RIMBP2: variants seen among roughly 807,000 people sequenced by gnomAD.
RIMBP2 encodes the protein RIMS binding protein 2, also known as RIMS-binding protein 2.
In RIMBP2, 48 loss-of-function variants were observed where a neutral mutation model predicts 118.6. The ratio of observed to expected loss-of-function variants is 0.40; its 90% CI spans 0.32 to 0.51. The LOEUF (loss-of-function observed/expected upper bound fraction) is 0.51. RIMBP2 is among the 20% of genes least tolerant of loss of function. The pLI, the probability that RIMBP2 is intolerant of heterozygous loss-of-function variation, is 0.41. For missense variants in RIMBP2, 1,551 were observed against 1,768.3 expected (o/e 0.88, Z 2.20); for synonymous variants, 762 against 742.9 (o/e 1.03, Z -0.42).
chr12:130,649,755 C>T (rs1349573304), intron 1 of RIMBP2, among the ~76,000 whole-genome samples: 1 of 152,092 alleles, frequency 6.6e-6, no homozygotes, highest in Non-Finnish European at 1.5e-5. Flanking sequence ...TCCCTGCCCC[C>T]TGCTCACAGT....
chr12:130,473,411 T>C (rs948444774), intron 5 of RIMBP2, among the ~76,000 whole-genome samples: 3 of 152,178 alleles, frequency 2.0e-5, no homozygotes, highest in Non-Finnish European at 4.4e-5. Context: ...GGGCAGGCCC[T>C]GCGGCAGGAG....
chr12:130,523,203 TG>T lies in RIMBP2; in HGVS notation c.-216-5287del, dbSNP rs565557115. 1.8e-4 allele frequency among the ~76,000 whole-genome samples: 27 copies of T among 151,670 alleles called. No individual in the cohort carries two copies. The highest frequency in any genetic ancestry group is 2.4e-4 in the Non-Finnish European group (16 of 67,842). On this transcript the variant is annotated intron_variant, in intron 2 of 22. Transcript: ENST00000690449. The surrounding 1 kb of genome is among the most constrained non-coding windows in gnomAD (Gnocchi z 4.4). ...CCTCTCTGTCTCTATTTCTCTGTGTTGGGGGGGGTTTCTCTGCCTCCATCTC... is the reference window on the plus strand; with the variant it reads ...CCTCTCTGTCTCTATTTCTCTGTGTTGGGGGGGTTTCTCTGCCTCCATCTC...
chr12:130,487,553 C>G (rs1041680174), intron 4 of RIMBP2, among the ~76,000 whole-genome samples: 4 of 152,232 alleles, frequency 2.6e-5, no homozygotes, highest in African/African-American at 9.6e-5. Context: ...CATGCTTGTA[C>G]AGCCTGCAGA....
chr12:130,554,896 A>G (rs2056194025), intron 2 of RIMBP2, among the ~76,000 whole-genome samples: 1 of 151,980 alleles, frequency 6.6e-6, no homozygotes, highest in African/African-American at 2.4e-5. Context: ...TTTCCATTTT[A>G]TGGAGAGAAA....
intron 2 of RIMBP2, among the ~76,000 whole-genome samples, chr12:130,550,493 T>C (rs750153121): frequency 1.5e-4 from 23 of 152,232 alleles, no homozygotes; most frequent in Non-Finnish European, 1.8e-4. Flanking sequence ...TGGGTGAATG[T>C]TGGTGTCCAG....
intron 7 of RIMBP2, 63 bp downstream of exon 7, chr12:130,456,433 T>A: frequency 6.9e-7 from 1 of 1,449,234 alleles, no homozygotes; most frequent in South Asian, 1.3e-5. Flanking sequence ...GTGCACACCC[T>A]CGCAGGCAGC....
At chr12:130,464,832 G>T (rs1034338629) in intron 6 of RIMBP2, among the ~76,000 whole-genome samples, 1 of 152,338 alleles carries the variant, frequency 6.6e-6, no homozygotes, top group Middle Eastern at 3.4e-3. Context: ...TGGCCCAGGG[G>T]TCACCCAGCC....
At chr12:130,650,447 C>G (rs2063183801) in intron 1 of RIMBP2, among the ~76,000 whole-genome samples, 1 of 152,262 alleles carries the variant, frequency 6.6e-6, no homozygotes, top group Non-Finnish European at 1.5e-5. Context: ...GCAAGCTTCT[C>G]ACAACACTTG....
chr12:130,678,665 G>A (rs2064623382), intron 1 of RIMBP2, among the ~76,000 whole-genome samples: 2 of 152,216 alleles, frequency 1.3e-5, no homozygotes, highest in South Asian at 4.2e-4. Flanking sequence ...CTACAGGCAC[G>A]CGCCACCATG....
At chr12:130,406,673 A>G (rs1365151400) in intron 20 of RIMBP2, among the ~76,000 whole-genome samples, 1 of 152,188 alleles carries the variant, frequency 6.6e-6, no homozygotes, top group Non-Finnish European at 1.5e-5. Flanking sequence ...TTGAGACAGA[A>G]TCTCACTGTG....
chr12:130,714,318 G>A (rs964282486), intron 1 of RIMBP2, among the ~76,000 whole-genome samples: 17 of 152,174 alleles, frequency 1.1e-4, no homozygotes, highest in Admixed American at 3.9e-4. Flanking sequence ...ATGGCCAGGA[G>A]CTCTCAGCCC....
chr12:130,667,818 C>T (rs938292832), intron 1 of RIMBP2: 13 of 152,230 alleles, frequency 8.5e-5, no homozygotes, highest in African/African-American at 2.4e-4. Context: ...CTCTGGCCAC[C>T]GAGGCTCAAG....
chr12:130,506,914 A>C (rs1295675572), intron 3 of RIMBP2, 144 bp from the exon 4 acceptor site: 1 of 579,978 alleles, frequency 1.7e-6, no homozygotes, highest in African/African-American at 2.0e-5. Context: ...GACTGGGTCC[A>C]CTCCTACTAG....
intron 19 of RIMBP2, 64 bp downstream of exon 19, chr12:130,412,555 C>G (rs1565993382): frequency 1.3e-6 from 2 of 1,482,346 alleles, no homozygotes; most frequent in East Asian, 4.6e-5. Context: ...GCCTGCCTCT[C>G]TGAGCGGCAG....
intron 19 of RIMBP2, among the ~76,000 whole-genome samples, chr12:130,411,398 A>C (rs1014364163): frequency 6.6e-6 from 1 of 152,038 alleles, no homozygotes; most frequent in Admixed American, 6.6e-5. Context: ...GTGGAAAAGG[A>C]GTGGTGAGGG....
At chr12:130,534,870 G>GGAAA (rs1416292076) in intron 2 of RIMBP2, among the ~76,000 whole-genome samples, 1 of 152,216 alleles carries the variant, frequency 6.6e-6, no homozygotes, top group Non-Finnish European at 1.5e-5. Context: ...TATCTGTCTA[G>GGAAA]GAAACGGTCT....
intron 1 of RIMBP2, among the ~76,000 whole-genome samples, chr12:130,655,760 C>G (rs529499440): frequency 1.3e-5 from 2 of 152,372 alleles, no homozygotes; most frequent in South Asian, 2.1e-4. Context: ...TCTCCCTCAG[C>G]TCCTCGAATT....
intron 14 of RIMBP2, among the ~76,000 whole-genome samples, chr12:130,433,876 G>C (rs1490991301): frequency 6.6e-6 from 1 of 152,222 alleles, no homozygotes; most frequent in Admixed American, 6.5e-5. Context: ...CCTGTGATGT[G>C]GGGTAATTAA....
At position 130,523,294 on chromosome 12, in the gene RIMBP2, C is replaced by A. The variant is rs2052376178; in HGVS notation, c.-216-5377G>T. Among the ~76,000 whole-genome samples, 1 of 152,194 alleles carries A rather than the reference C, an allele frequency of 6.6e-6. No homozygotes were observed. Among genetic ancestry groups the A allele is most frequent in the Non-Finnish European group, 1.5e-5 (1 of 68,036 alleles). On this transcript the variant is annotated intron_variant, in intron 2 of 22. Transcript: ENST00000690449. This position sits in a 1 kb window ranked among gnomAD's most constrained non-coding sequence, Gnocchi z 4.4. ...AGTGAGAAAACAGCCATCTGCAAGT[C>A]AAGAAGCGGCTCGCACCAGGAACCG...
Sources: allele counts gnomAD v4.1 joint callset (sites outside exome capture counted in the v4.1 genomes callset), GRCh38; gene constraint gnomAD v4.1.1; non-coding constraint Gnocchi (gnomAD v3.1); transcripts MANE v1.5; gene names NCBI Gene and HGNC (gene_info 2026-07-23, HGNC 2026-07-21).